The following HACE1 variants were observed in gnomAD, a reference collection of about 807,000 sequenced individuals.
The protein encoded by HACE1 is E3 ubiquitin-protein ligase HACE1.
HACE1 carries 73 observed loss-of-function variants against 118.4 expected under a neutral mutation model. The ratio of observed to expected loss-of-function variants is 0.62; its 90% CI spans 0.51 to 0.75. The LOEUF (loss-of-function observed/expected upper bound fraction) is 0.75. HACE1 is among the 30% of genes least tolerant of loss of function. The pLI is 0.00. For synonymous variants in HACE1, 368 were observed against 374.8 expected (o/e 0.98, Z 0.21); for missense variants, 749 against 1,102.2 (o/e 0.68, Z 4.54).
At chr6:104,855,698 T>A (rs894080591) in intron 1 of HACE1, among the ~76,000 whole-genome samples, 1 of 152,156 alleles carries the variant, frequency 6.6e-6, no homozygotes, top group Non-Finnish European at 1.5e-5. Context: ...GACAACATTC[T>A]TTATCGTTCA....
chr6:104,809,104 A>AT (rs1382516665), intron 7 of HACE1, among the ~76,000 whole-genome samples: 1 of 152,192 alleles, frequency 6.6e-6, no homozygotes, highest in Non-Finnish European at 1.5e-5. Flanking sequence ...TTTATAAGAT[A>AT]TTTTTCATAG....
intron 6 of HACE1, among the ~76,000 whole-genome samples, chr6:104,823,115 A>AT (rs113382352): frequency 8.6e-5 from 13 of 151,806 alleles, no homozygotes; most frequent in South Asian, 6.2e-4. Context: ...AAAGACATTA[A>AT]TTTTTTTTTA....
chr6:104,821,521 T>G (rs1772713628), intron 6 of HACE1, among the ~76,000 whole-genome samples: 1 of 152,212 alleles, frequency 6.6e-6, no homozygotes, highest in Admixed American at 6.5e-5. Context: ...TAAAACTATG[T>G]AATGATATAA....
chr6:104,827,113 T>C (rs1337473178), intron 6 of HACE1, among the ~76,000 whole-genome samples: 1 of 152,120 alleles, frequency 6.6e-6, no homozygotes, highest in East Asian at 1.9e-4. Context: ...TTGAAGGCGG[T>C]GACTAACCAA....
intron 19 of HACE1, among the ~76,000 whole-genome samples, chr6:104,751,379 A>T (rs1486601333): frequency 6.6e-6 from 1 of 152,256 alleles, no homozygotes; most frequent in Non-Finnish European, 1.5e-5. Flanking sequence ...TAGCATAGTC[A>T]ATTCAATTCT....
intron 7 of HACE1, among the ~76,000 whole-genome samples, chr6:104,802,990 G>C (rs567135191): frequency 1.3e-4 from 20 of 152,034 alleles, no homozygotes; most frequent in Admixed American, 1.1e-3. Context: ...GAAGAAGAGA[G>C]AGAAGAATCA....
chr6:104,804,867 TTAAAC>T (rs1290040046), intron 7 of HACE1, among the ~76,000 whole-genome samples: 1 of 152,128 alleles, frequency 6.6e-6, no homozygotes, highest in Non-Finnish European at 1.5e-5. Flanking sequence ...TGGGATCTAA[TTAAAC>T]TAAAGAGCTT....
intron 6 of HACE1, among the ~76,000 whole-genome samples, chr6:104,811,994 T>C (rs1018212486): frequency 3.3e-5 from 5 of 152,148 alleles, no homozygotes; most frequent in Non-Finnish European, 7.4e-5. Flanking sequence ...CATTAATATA[T>C]ACTTAGCCCC....
chr6:104,859,746 C>T lies in HACE1; in HGVS notation c.-104G>A. 6 of 1,081,832 alleles carry T rather than the reference C, an allele frequency of 5.5e-6. No homozygotes were observed. The highest frequency in any genetic ancestry group is 2.9e-4 in the Middle Eastern group (1 of 3,492). The allele number at this position is 1,081,832 out of a possible 1,614,324, so 67.0% of individuals were successfully genotyped here. Reference sequence around the variant, plus strand: ...TGGGCCCGTCCAGCAGGCGGAGACGCGGGCTTGCCCCGGCTAGAGCACTGA... The same window carrying T: ...TGGGCCCGTCCAGCAGGCGGAGACGTGGGCTTGCCCCGGCTAGAGCACTGA... On this transcript the variant is annotated 5_prime_UTR_variant, in exon 1 of 24. Transcript: ENST00000262903.
At chr6:104,747,934 T>C (rs1455111404) in intron 20 of HACE1, among the ~76,000 whole-genome samples, 1 of 152,044 alleles carries the variant, frequency 6.6e-6, no homozygotes, top group Admixed American at 6.6e-5. Context: ...TAAATTTTAA[T>C]GTAAGAGCCA....
intron 10 of HACE1, among the ~76,000 whole-genome samples, chr6:104,794,152 A>G (rs1338620622): frequency 1.3e-5 from 2 of 152,202 alleles, no homozygotes; most frequent in Non-Finnish European, 2.9e-5. Context: ...TAAAATGGAG[A>G]TAACATCTAA....
At chr6:104,731,933 A>C (rs917143288) in intron 22 of HACE1, 5 of 152,172 alleles carry the variant, frequency 3.3e-5, no homozygotes, top group African/African-American at 1.2e-4. Flanking sequence ...TCCAAAAAAA[A>C]GATAAACAAA....
chr6:104,808,192 TAAAA>T (rs570573543), intron 7 of HACE1, among the ~76,000 whole-genome samples: 1 of 133,882 alleles, frequency 7.5e-6, no homozygotes, highest in African/African-American at 2.7e-5. Flanking sequence ...TCTCAAAAAT[TAAAA>T]AAAAAAAAAG....
chr6:104,812,777 T>C (rs1771764167), intron 6 of HACE1, among the ~76,000 whole-genome samples: 1 of 152,120 alleles, frequency 6.6e-6, no homozygotes, highest in African/African-American at 2.4e-5. Flanking sequence ...ATAGAGGAAT[T>C]GGAAGTACCA....
At chr6:104,838,944 TGAGTA>T (rs1774824317) in intron 5 of HACE1, among the ~76,000 whole-genome samples, 1 of 138,162 alleles carries the variant, frequency 7.2e-6, no homozygotes, top group South Asian at 2.3e-4. Flanking sequence ...ATGAAAGATC[TGAGTA>T]GACACTTCTC....
intron 22 of HACE1, among the ~76,000 whole-genome samples, chr6:104,733,679 T>C (rs1216570343): frequency 6.6e-6 from 1 of 150,954 alleles, no homozygotes; most frequent in Non-Finnish European, 1.5e-5. Context: ...TGAAACCCCG[T>C]CTCTACTAAA....
chr6:104,796,687 T>C lies in HACE1; in HGVS notation c.784A>G (p.Met262Val). The C allele has an allele frequency of 1.3e-6, 2 of 1,577,284 alleles. No individual in the cohort carries two copies. The highest frequency in any genetic ancestry group is 1.7e-6 in the Non-Finnish European group (2 of 1,147,276). The stretch of plus-strand genomic sequence containing the variant: ...TCTCGGAGGTCTTCATTCTGTGTCA[T>C]TTGAATAATAGTCTGAAAAAGCCTC... The part of the protein sequence containing the change: ...HPRLFQTIIQ[M>V]TQNEDLRENM... Residue 262 changes from methionine (M) to valine (V), a missense_variant, in exon 9 of 24, where the codon ATG becomes GTG. Physicochemically the swap from Met to Val is conservative, Grantham distance 21 (BLOSUM62 1). Coordinates refer to ENST00000262903, the MANE Select transcript of HACE1 (RefSeq NM_020771.4).
At chr6:104,807,328 A>G (rs1771119901) in intron 7 of HACE1, among the ~76,000 whole-genome samples, 1 of 152,116 alleles carries the variant, frequency 6.6e-6, no homozygotes, top group African/African-American at 2.4e-5. Flanking sequence ...GGCCAAGTCT[A>G]AGAACTCTTT....
At chr6:104,741,477 T>A (rs1201763498) in intron 22 of HACE1, among the ~76,000 whole-genome samples, 1 of 143,688 alleles carries the variant, frequency 7.0e-6, no homozygotes, top group Non-Finnish European at 1.5e-5. Flanking sequence ...GGATACAAAA[T>A]CAATGTGCAA....
Sources: allele counts gnomAD v4.1 joint callset (sites outside exome capture counted in the v4.1 genomes callset), GRCh38; gene constraint gnomAD v4.1.1; transcripts MANE v1.5; gene names NCBI Gene and HGNC (gene_info 2026-07-23, HGNC 2026-07-21).